PTGES: variants seen among roughly 807,000 people sequenced by gnomAD.
The protein encoded by PTGES is MGST1-like 1.
In PTGES, 3 loss-of-function variants were observed where a neutral mutation model predicts 11.8. The ratio of observed to expected loss-of-function variants is 0.25; its 90% confidence interval spans 0.12 to 0.66. PTGES has a LOEUF of 0.66. Among genes scored for constraint, PTGES ranks in the 30% least tolerant of loss-of-function variants. PTGES has a pLI of 0.82. For synonymous variants in PTGES, 94 were observed against 90.4 expected (o/e 1.04, Z -0.22); for missense variants, 180 against 213.0 (o/e 0.85, Z 0.96).
rs1216909889 is a variant in PTGES at position 129,745,801 on chromosome 9, A to T, written c.209+2854T>A. Among the ~76,000 whole-genome samples, 1 of 152,158 alleles carries T rather than the reference A, an allele frequency of 6.6e-6. No homozygotes were observed. Among genetic ancestry groups the T allele is most frequent in the Non-Finnish European group, 1.5e-5 (1 of 68,034 alleles). On this transcript the variant is annotated intron_variant, in intron 2 of 2. Coordinates refer to ENST00000340607, the MANE Select transcript of PTGES (RefSeq NM_004878.5). The surrounding 1 kb of genome is among the most constrained non-coding windows in gnomAD (Gnocchi z 4.2). ...TCCCAGCACTTTGGAAGCCCGAGGCAGGTGGATCACCTGAGGTCAGGAGTT... is the reference window on the plus strand; with the variant it reads ...TCCCAGCACTTTGGAAGCCCGAGGCTGGTGGATCACCTGAGGTCAGGAGTT...
In PTGES at chr9:129,739,661, AG is replaced by A; in HGVS notation, c.408del (p.Cys137AlafsTer50). 6.4e-7 allele frequency: 1 copy of A among 1,556,512 alleles called. No homozygotes were observed. The highest frequency in any genetic ancestry group is 8.7e-7 in the Non-Finnish European group (1 of 1,149,950). ...AGGATCTGCAGAGCCATGGAGGCGC[AG>A]GGGAGCTGGGCCAGGGTGTAGGTCA... ...RSVTYTLAQLPCASMALQILW... is the reference protein window; with the variant it reads ...RSVTYTLAQLXCASMALQILW... On this transcript the variant is annotated frameshift_variant, in exon 3 of 3. Coordinates refer to ENST00000340607, the MANE Select transcript of PTGES (RefSeq NM_004878.5). LOFTEE classifies it high-confidence loss of function. The surrounding 1 kb of genome is among the most constrained non-coding windows in gnomAD (Gnocchi z 5.7).
At chr9:129,746,995 C>G (rs1833053593) in intron 2 of PTGES, among the ~76,000 whole-genome samples, 1 of 152,226 alleles carries the variant, frequency 6.6e-6, no homozygotes, top group South Asian at 2.1e-4. Flanking sequence ...TTACTGCAAC[C>G]TCCGCCTCCT....
chr9:129,742,347 A>AC (rs1833004906), intron 2 of PTGES, among the ~76,000 whole-genome samples: 3 of 149,732 alleles, frequency 2.0e-5, no homozygotes, highest in African/African-American at 7.4e-5. Context: ...AAAAAAAAAA[A>AC]AAACATAAAA....
intron 2 of PTGES, among the ~76,000 whole-genome samples, chr9:129,747,505 C>T (rs1833059392): frequency 1.3e-5 from 2 of 152,112 alleles, no homozygotes; most frequent in South Asian, 2.1e-4. Flanking sequence ...AGATGTTCAA[C>T]TTCACTAAGA....
At chr9:129,742,314 G>A (rs1482965555) in intron 2 of PTGES, among the ~76,000 whole-genome samples, 15 of 137,982 alleles carry the variant, frequency 1.1e-4, no homozygotes, top group Middle Eastern at 3.8e-3. Context: ...GACAGAGTGA[G>A]TGAGACTCTG....
intron 2 of PTGES, among the ~76,000 whole-genome samples, chr9:129,746,211 C>G (rs2130952833): frequency 6.6e-6 from 1 of 152,290 alleles, no homozygotes; most frequent in South Asian, 2.1e-4. Context: ...ACCTCTGCAG[C>G]CTGGGAGGAG....
rs117368839 is a variant in PTGES at position 129,740,518 on chromosome 9, A to C, written c.210-658T>G. ...AGATCCGCTCCCACTCACTGGAGCCAACCGATGGCCAGCCCCCGGTGAAGC... is the reference window on the plus strand; with the variant it reads ...AGATCCGCTCCCACTCACTGGAGCCCACCGATGGCCAGCCCCCGGTGAAGC... On this transcript the variant is annotated intron_variant, in intron 2 of 2. Coordinates refer to ENST00000340607, the MANE Select transcript of PTGES (RefSeq NM_004878.5). Among the ~76,000 whole-genome samples the C allele has an allele frequency of 8.4e-4, 128 of 152,330 alleles. 2 individuals carry two copies. In the East Asian group the frequency reaches 0.022, roughly 26 times the overall value.
intron 1 of PTGES, among the ~76,000 whole-genome samples, chr9:129,749,818 G>A (rs1027962766): frequency 6.6e-6 from 1 of 152,216 alleles, no homozygotes; most frequent in Non-Finnish European, 1.5e-5. Context: ...GCACACGGGA[G>A]CACAGAGGGC....
At position 129,739,701 on chromosome 9, in the gene PTGES, T is replaced by C. The variant is rs537162184; in HGVS notation, c.369A>G (p.Ala123=). 33 of 1,564,286 alleles carry C rather than the reference T, an allele frequency of 2.1e-5. No homozygotes were observed. The African/African-American group carries it at 3.6e-4, about 17-fold the overall frequency. The change falls in exon 3 of 3, where the codon GCA becomes GCG. Residue 123 remains alanine (A), a synonymous_variant. Transcript: ENST00000340607. This position sits in a 1 kb window ranked among gnomAD's most constrained non-coding sequence, Gnocchi z 5.7. ...GGGTGTAGGTCACGGAGCGGATGGGTGCCCGCAGCTTCCCCAGGTAGGCCA... is the reference window on the plus strand; with the variant it reads ...GGGTGTAGGTCACGGAGCGGATGGGCGCCCGCAGCTTCCCCAGGTAGGCCA... ...HTVAYLGKLR[A]PIRSVTYTLA...
Position 129,739,715 on chromosome 9 carries a change from C to A in PTGES, c.355G>T (p.Gly119Trp). 1 of 1,575,850 alleles carries A rather than the reference C, an allele frequency of 6.3e-7. No homozygotes were observed. The highest frequency in any genetic ancestry group is 2.3e-5 in the East Asian group (1 of 42,834). ...GAGCGGATGGGTGCCCGCAGCTTCC[C>A]CAGGTAGGCCACGGTGTGTGCCACA... ...GRVAHTVAYL[G>W]KLRAPIRSVT... The change falls in exon 3 of 3, where the codon GGG becomes TGG. Residue 119 changes from glycine to tryptophan, a missense_variant. Transcript: ENST00000340607. The surrounding 1 kb of genome is among the most constrained non-coding windows in gnomAD (Gnocchi z 5.7).
intron 1 of PTGES, among the ~76,000 whole-genome samples, chr9:129,751,027 G>C (rs1429995852): frequency 6.6e-6 from 1 of 152,240 alleles, no homozygotes; most frequent in East Asian, 1.9e-4. Flanking sequence ...CCCCGAATTC[G>C]TGTTAAAAGG....
At chr9:129,750,411 C>G (rs1833091520) in intron 1 of PTGES, among the ~76,000 whole-genome samples, 1 of 152,208 alleles carries the variant, frequency 6.6e-6, no homozygotes, top group Non-Finnish European at 1.5e-5. Context: ...GCCCTGAAAT[C>G]AGTGAATCAC....
chr9:129,744,649 G>A (rs574590135), intron 2 of PTGES, among the ~76,000 whole-genome samples: 1 of 151,564 alleles, frequency 6.6e-6, no homozygotes, highest in East Asian at 1.9e-4. Flanking sequence ...GGCCGAGGCA[G>A]GCGGATCACT....
chr9:129,744,598 G>A (rs538990502), intron 2 of PTGES, among the ~76,000 whole-genome samples: 6 of 148,878 alleles, frequency 4.0e-5, no homozygotes, highest in African/African-American at 7.4e-5. Context: ...AAAAAAGACC[G>A]GGCGAGGTGG....
At chr9:129,749,482 T>TA (rs767428088) in intron 1 of PTGES, 3 of 151,968 alleles carry the variant, frequency 2.0e-5, no homozygotes, top group Non-Finnish European at 4.4e-5. Flanking sequence ...ACCCCCTCTA[T>TA]AAAAAATACA....
At chr9:129,743,739 T>G (rs1375133000) in intron 2 of PTGES, among the ~76,000 whole-genome samples, 1 of 152,214 alleles carries the variant, frequency 6.6e-6, no homozygotes, top group Non-Finnish European at 1.5e-5. Flanking sequence ...TGAAATCGCC[T>G]TCCCATAGAG....
intron 2 of PTGES, among the ~76,000 whole-genome samples, chr9:129,743,325 C>T (rs1457193516): frequency 1.3e-5 from 2 of 152,212 alleles, no homozygotes; most frequent in African/African-American, 4.8e-5. Flanking sequence ...CACCTCCCTC[C>T]TCCCACCTCC....
chr9:129,752,447 T>C (rs972399500), intron 1 of PTGES, among the ~76,000 whole-genome samples: 2 of 152,196 alleles, frequency 1.3e-5, no homozygotes, highest in African/African-American at 2.4e-5. Context: ...AGTGGGCTTG[T>C]TAGTGACATT....
rs549516439 is a variant in PTGES at position 129,743,118 on chromosome 9, C to T, written c.210-3258G>A. Among the ~76,000 whole-genome samples, 3 of 152,282 alleles carry T rather than the reference C, an allele frequency of 2.0e-5. No homozygotes were observed. In the East Asian group the frequency reaches 5.8e-4, roughly 29 times the overall value. ...GGGGACTGAGCCCCACCTTCTATTT[C>T]CAGCCATTGGGCAGCAATTCAGCGG... On this transcript the variant is annotated intron_variant, in intron 2 of 2. Transcript: ENST00000340607.
Sources: gnomAD v4.1 joint callset for allele counts (sites outside exome capture counted in the v4.1 genomes callset) on GRCh38, gnomAD v4.1.1 for gene constraint, Gnocchi (gnomAD v3.1) non-coding constraint, MANE v1.5 for transcripts, NCBI Gene and HGNC (gene_info 2026-07-23, HGNC 2026-07-21) for gene names.